RAB8B: variants seen among roughly 807,000 people sequenced by gnomAD.
The protein encoded by RAB8B is ras-related protein Rab-8B.
Under a neutral mutation model 32.0 loss-of-function variants are expected in RAB8B, and 11 were observed. The ratio of observed to expected loss-of-function variants is 0.34; its 90% confidence interval spans 0.22 to 0.57. The LOEUF is 0.57. Among genes scored for constraint, RAB8B ranks in the 20% least tolerant of loss-of-function variants. RAB8B has a pLI of 0.86. For missense variants in RAB8B, 190 were observed against 258.5 expected, an observed-to-expected ratio of 0.73 and a Z score of 1.82; for synonymous variants, 103 against 89.6, an observed-to-expected ratio of 1.15 and a Z score of -0.85.
intron 5 of RAB8B, 147 bp downstream of exon 5, chr15:63,256,741 C>T: frequency 1.6e-6 from 1 of 626,180 alleles, no homozygotes; most frequent in Non-Finnish European, 2.7e-6. Flanking sequence ...GTAATCCATA[C>T]TTGAATGGTG....
At chr15:63,221,124 T>C (rs2037840871) in intron 1 of RAB8B, among the ~76,000 whole-genome samples, 1 of 152,148 alleles carries the variant, frequency 6.6e-6, no homozygotes, top group Non-Finnish European at 1.5e-5. Flanking sequence ...TGGAGAATGT[T>C]CCAGACAATG....
chr15:63,210,706 G>A (rs531318897), intron 1 of RAB8B, among the ~76,000 whole-genome samples: 4 of 152,188 alleles, frequency 2.6e-5, no homozygotes, highest in Non-Finnish European at 4.4e-5. Flanking sequence ...GTGGCCTCCC[G>A]CTGTCTTTTC....
Position 63,259,532 on chromosome 15 carries a change from C to A in RAB8B, c.415-95C>A, listed in dbSNP as rs978327321. 1.9e-6 allele frequency: 2 copies of A among 1,042,334 alleles called. No homozygotes were observed. Among genetic ancestry groups the A allele is most frequent in the South Asian group, 1.4e-5 (1 of 70,484 alleles). The allele number at this position is 1,042,334 out of a possible 1,614,324, so 64.6% of individuals were successfully genotyped here. ...ACCACAGGAGTTCTGAAATAGATAC[C>A]CTACCTTTGAGACTTTGAAAAACCT... On this transcript the variant is annotated intron_variant, in intron 5 of 7. Transcript: ENST00000321437. This position sits in a 1 kb window ranked among gnomAD's most constrained non-coding sequence, Gnocchi z 4.4.
chr15:63,259,808 C>T lies in RAB8B; in HGVS notation c.480+116C>T. On this transcript the variant is annotated intron_variant, in intron 6 of 7. Coordinates refer to ENST00000321437, the MANE Select transcript of RAB8B (RefSeq NM_016530.3). The surrounding 1 kb of genome is among the most constrained non-coding windows in gnomAD (Gnocchi z 4.4). ...GACCTAATGAATGCCTTTTGTTGAC[C>T]CAACTCTACTTTGTACACTTTTGTG... 4.5e-6 allele frequency: 4 copies of T among 889,084 alleles called. No homozygotes were observed. Among genetic ancestry groups the T allele is most frequent in the Non-Finnish European group, 7.0e-6 (4 of 568,148 alleles). The allele number at this position is 889,084 out of a possible 1,614,324, so 55.1% of individuals were successfully genotyped here. A position where few individuals can be genotyped will look rare whatever the true frequency, so the allele number is the denominator to read the frequency against.
intron 1 of RAB8B, among the ~76,000 whole-genome samples, chr15:63,229,593 C>CA: frequency 6.6e-6 from 1 of 151,994 alleles, no homozygotes; most frequent in Admixed American, 6.5e-5. Flanking sequence ...CCATTCTGGC[C>CA]AACATGGTGA....
chr15:63,224,593 G>C (rs372019273), intron 1 of RAB8B, among the ~76,000 whole-genome samples: 1 of 152,136 alleles, frequency 6.6e-6, no homozygotes, highest in Non-Finnish European at 1.5e-5. Context: ...TCTCTAGTTT[G>C]CCAGGATGAT....
chr15:63,207,372 TCTC>T (rs1370201540), intron 1 of RAB8B, among the ~76,000 whole-genome samples: 1 of 152,034 alleles, frequency 6.6e-6, no homozygotes, highest in Non-Finnish European at 1.5e-5. Flanking sequence ...CAACTTTCTG[TCTC>T]CTCCTCTTCC....
chr15:63,263,559 A>G lies in RAB8B; in HGVS notation c.564A>G (p.Pro188=). 1 of 1,612,750 alleles carries G rather than the reference A, an allele frequency of 6.2e-7. No homozygotes were observed. The highest frequency in any genetic ancestry group is 8.5e-7 in the Non-Finnish European group (1 of 1,178,746). Residue 188 remains proline (P), a synonymous_variant, in exon 8 of 8, where the codon CCA becomes CCG. Transcript: ENST00000321437. ...GCAATTCAGCAGGAGCAGGTGGACC[A>G]GTGAAAATAACAGAAAACCGATCAA... ...NDSNSAGAGG[P]VKITENRSKK...
At chr15:63,256,113 T>A (rs1259004472) in intron 4 of RAB8B, among the ~76,000 whole-genome samples, 1 of 152,222 alleles carries the variant, frequency 6.6e-6, no homozygotes, top group African/African-American at 2.4e-5. Context: ...CTGAAATAAT[T>A]TTGTACACGT....
At chr15:63,254,837 G>A (rs1349978751) in intron 3 of RAB8B, among the ~76,000 whole-genome samples, 4 of 152,060 alleles carry the variant, frequency 2.6e-5, no homozygotes, top group Admixed American at 1.3e-4. Flanking sequence ...GCGTGAACCC[G>A]GGAGGTGGAG....
intron 1 of RAB8B, among the ~76,000 whole-genome samples, chr15:63,215,369 A>G (rs926722711): frequency 6.6e-5 from 10 of 152,236 alleles, no homozygotes; most frequent in African/African-American, 2.4e-4. Context: ...TTTTTCAAAG[A>G]TATTAAATGA....
At chr15:63,250,150 A>AG (rs2038105639) in intron 3 of RAB8B, among the ~76,000 whole-genome samples, 1 of 152,184 alleles carries the variant, frequency 6.6e-6, no homozygotes, top group Admixed American at 6.5e-5. Context: ...CTCAAAAAAA[A>AG]AGGTTTTTTG....
chr15:63,242,054 A>T (rs1407601619), intron 1 of RAB8B, among the ~76,000 whole-genome samples: 2 of 150,854 alleles, frequency 1.3e-5, no homozygotes, highest in East Asian at 2.0e-4. Context: ...TGCAAAAGTA[A>T]TTGCGGTTTT....
chr15:63,230,532 C>A (rs1367007641), intron 1 of RAB8B, among the ~76,000 whole-genome samples: 1 of 152,178 alleles, frequency 6.6e-6, no homozygotes, highest in African/African-American at 2.4e-5. Context: ...GAACTCCTGA[C>A]CTCAGGTGAT....
At chr15:63,258,791 G>C (rs1358070172) in intron 5 of RAB8B, among the ~76,000 whole-genome samples, 1 of 152,178 alleles carries the variant, frequency 6.6e-6, no homozygotes, top group Non-Finnish European at 1.5e-5. Context: ...ATCAAAGGAT[G>C]AAATGAAGTT....
intron 1 of RAB8B, among the ~76,000 whole-genome samples, chr15:63,222,661 C>T (rs1334602074): frequency 6.6e-6 from 1 of 152,148 alleles, no homozygotes; most frequent in Non-Finnish European, 1.5e-5. Flanking sequence ...CCTCAGCCTC[C>T]CGAGTAACTG....
chr15:63,196,159 A>G (rs1219427262), intron 1 of RAB8B, among the ~76,000 whole-genome samples: 2 of 152,212 alleles, frequency 1.3e-5, no homozygotes, highest in African/African-American at 4.8e-5. Context: ...GCAATTAATA[A>G]AAACAAACAA....
chr15:63,244,077 C>T (rs183350730), intron 1 of RAB8B, among the ~76,000 whole-genome samples: 2 of 152,334 alleles, frequency 1.3e-5, no homozygotes, highest in East Asian at 3.9e-4. Flanking sequence ...TACTTAGTAT[C>T]TCTAAGGTCC....
intron 1 of RAB8B, among the ~76,000 whole-genome samples, chr15:63,218,217 A>G (rs1567012342): frequency 6.6e-6 from 1 of 152,188 alleles, no homozygotes; most frequent in Non-Finnish European, 1.5e-5. Context: ...CTACAAGTAT[A>G]AGCAAGTTAC....
Sources: allele counts gnomAD v4.1 joint callset (sites outside exome capture counted in the v4.1 genomes callset), GRCh38; gene constraint gnomAD v4.1.1; non-coding constraint Gnocchi (gnomAD v3.1); transcripts MANE v1.5; gene names NCBI Gene and HGNC (gene_info 2026-07-23, HGNC 2026-07-21).